The following NFIB variants were observed in gnomAD, a reference collection of about 807,000 sequenced individuals.
NFIB encodes the protein nuclear factor I B.
In NFIB, 11 loss-of-function variants were observed where a neutral mutation model predicts 61.5. The ratio of observed to expected loss-of-function variants is 0.18; its 90% CI spans 0.11 to 0.30. NFIB has a LOEUF of 0.30. Ranked by LOEUF, NFIB falls within the 10% of genes least tolerant of loss-of-function variation. The pLI is 1.00. For synonymous variants in NFIB, 260 were observed against 216.5 expected (o/e 1.20, Z -1.76); for missense variants, 471 against 608.9 (o/e 0.77, Z 2.38).
chr9:14,495,675 C>G, the NFIB span, among the ~76,000 whole-genome samples: 1 of 151,912 alleles, frequency 6.6e-6, no homozygotes, highest in Non-Finnish European at 1.5e-5. Context: ...CTGCTTGAAC[C>G]AAGATGACCC....
At chr9:14,446,942 T>A in the NFIB span, among the ~76,000 whole-genome samples, 206 of 152,274 alleles carry the variant, frequency 1.4e-3, no homozygotes, top group African/African-American at 4.6e-3. Flanking sequence ...CCATCTGAAA[T>A]AACATTTCCC....
intron 2 of NFIB, among the ~76,000 whole-genome samples, chr9:14,217,863 C>T (rs1015898799): frequency 6.6e-6 from 1 of 152,044 alleles, no homozygotes; most frequent in Non-Finnish European, 1.5e-5. Context: ...ACAAAAAATA[C>T]TCCTGCCACT....
chr9:14,462,413 G>A, the NFIB span, among the ~76,000 whole-genome samples: 2 of 152,002 alleles, frequency 1.3e-5, no homozygotes, highest in African/African-American at 4.8e-5. Context: ...CTCCCCAGCA[G>A]CAGGGACTAC....
intron 1 of NFIB, among the ~76,000 whole-genome samples, chr9:14,310,828 C>T (rs1449730595): frequency 1.3e-5 from 2 of 152,056 alleles, no homozygotes; most frequent in Non-Finnish European, 2.9e-5. Context: ...AATAAAGAGT[C>T]TTAATTCCAC....
the NFIB span, among the ~76,000 whole-genome samples, chr9:14,415,821 A>G: frequency 0.011 from 1,644 of 152,228 alleles, 11 homozygotes; most frequent in Non-Finnish European, 0.018. Flanking sequence ...CAAAGGAGAC[A>G]CCCCCGTATG....
At chr9:14,298,504 T>G (rs932690) in intron 2 of NFIB, among the ~76,000 whole-genome samples, 1 of 151,890 alleles carries the variant, frequency 6.6e-6, no homozygotes, top group African/African-American at 2.4e-5. Flanking sequence ...AAGATCTAAA[T>G]CCCTCCAAAT....
intron 2 of NFIB, among the ~76,000 whole-genome samples, chr9:14,300,803 C>T (rs1049624647): frequency 1.3e-5 from 2 of 152,180 alleles, no homozygotes; most frequent in South Asian, 2.1e-4. Flanking sequence ...ATGGCAAGAG[C>T]GCTAGTGTCA....
intron 2 of NFIB, among the ~76,000 whole-genome samples, chr9:14,303,176 T>C (rs2059841328): frequency 6.6e-6 from 1 of 152,144 alleles, no homozygotes; most frequent in South Asian, 2.1e-4. Flanking sequence ...TACTATAAAA[T>C]TTGCAAGAGT....
chr9:14,317,870 T>A (rs1268124552), upstream of NFIB, among the ~76,000 whole-genome samples: 1 of 152,256 alleles, frequency 6.6e-6, no homozygotes, highest in Non-Finnish European at 1.5e-5. Context: ...AAGGAGGAAC[T>A]GAGAAAGTGC....
intron 1 of NFIB, among the ~76,000 whole-genome samples, chr9:14,352,427 G>A (rs960104021): frequency 1.3e-5 from 2 of 152,006 alleles, no homozygotes; most frequent in African/African-American, 4.8e-5. Flanking sequence ...AAATAAAGAA[G>A]TGAGCGAGGC....
chr9:14,150,322 C>T, intron 4 of NFIB, 57 bp from the exon 5 acceptor site: 3 of 1,607,478 alleles, frequency 1.9e-6, no homozygotes, highest in Non-Finnish European at 2.5e-6. Flanking sequence ...GACCTCTATT[C>T]AAATGTAATA....
intron 1 of NFIB, among the ~76,000 whole-genome samples, chr9:14,359,294 A>T (rs139166341): frequency 7.5e-4 from 114 of 152,344 alleles, no homozygotes; most frequent in Non-Finnish European, 1.3e-3. Flanking sequence ...TTGAGATGAA[A>T]TCCTCCTGGA....
the NFIB span, among the ~76,000 whole-genome samples, chr9:14,438,310 AG>A: frequency 4.6e-5 from 7 of 152,248 alleles, no homozygotes; most frequent in African/African-American, 1.7e-4. Flanking sequence ...ACCATCAGAA[AG>A]AAACGCTGGG....
At chr9:14,444,998 A>G in the NFIB span, among the ~76,000 whole-genome samples, 1 of 151,300 alleles carries the variant, frequency 6.6e-6, no homozygotes, top group Non-Finnish European at 1.5e-5. Flanking sequence ...GGAACAATAC[A>G]GTATGTGTTC....
chr9:14,461,944 G>A, the NFIB span, among the ~76,000 whole-genome samples: 1 of 152,190 alleles, frequency 6.6e-6, no homozygotes, highest in Admixed American at 6.5e-5. Flanking sequence ...GATGGGTCTC[G>A]TATACACATG....
chr9:14,288,850 C>T (rs1432344865), intron 2 of NFIB, among the ~76,000 whole-genome samples: 1 of 151,956 alleles, frequency 6.6e-6, no homozygotes, highest in Non-Finnish European at 1.5e-5. Flanking sequence ...AAACAGTGCT[C>T]AGTACAGTGC....
chr9:14,094,295 G>A (rs2034439793), intron 10 of NFIB: 1 of 152,054 alleles, frequency 6.6e-6, no homozygotes, highest in South Asian at 2.1e-4. Flanking sequence ...AAATTCCTGT[G>A]GAAGTATAAT....
At chr9:14,243,821 T>C (rs2054599578) in intron 2 of NFIB, among the ~76,000 whole-genome samples, 1 of 152,174 alleles carries the variant, frequency 6.6e-6, no homozygotes, top group Admixed American at 6.5e-5. Flanking sequence ...GTAAAATGAC[T>C]GAGTGAGCTC....
upstream of NFIB, among the ~76,000 whole-genome samples, chr9:14,400,006 A>G (rs562803594): frequency 6.6e-6 from 1 of 152,138 alleles, no homozygotes; most frequent in East Asian, 1.9e-4. Context: ...ATCAGCTGTA[A>G]CAAACAATAC....
Sources: gnomAD v4.1 joint callset for allele counts (sites outside exome capture counted in the v4.1 genomes callset) on GRCh38, gnomAD v4.1.1 for gene constraint, MANE v1.5 for transcripts, NCBI Gene and HGNC (gene_info 2026-07-23, HGNC 2026-07-21) for gene names.